The following ADCY10 variants were observed in gnomAD, a reference collection of about 807,000 sequenced individuals.
ADCY10 encodes adenylate cyclase type 10.
A neutral mutation model predicts 183.3 loss-of-function variants in ADCY10; 156 were observed. The ratio of observed to expected loss-of-function variants is 0.85; its 90% CI spans 0.75 to 0.97. ADCY10 has a LOEUF of 0.97. Among genes scored for constraint, ADCY10 ranks in the 50% least tolerant of loss-of-function variants. ADCY10 has a pLI of 0.00. For missense variants in ADCY10, 1,745 were observed against 1,934.3 expected (o/e 0.90, Z 1.84); for synonymous variants, 645 against 670.0 (o/e 0.96, Z 0.58).
chr1:167,824,085 C>A (rs1358476733), intron 28 of ADCY10, among the ~76,000 whole-genome samples: 1 of 152,208 alleles, frequency 6.6e-6, no homozygotes, highest in Non-Finnish European at 1.5e-5. Context: ...CTTTGGGAGG[C>A]TGAGGTGGGT....
chr1:167,821,744 G>C (rs1482723347), intron 30 of ADCY10, among the ~76,000 whole-genome samples: 1 of 152,210 alleles, frequency 6.6e-6, no homozygotes, highest in Non-Finnish European at 1.5e-5. Flanking sequence ...TCTGAAGAAA[G>C]CAATCTTTTC....
At chr1:167,852,366 C>T (rs920242890) in intron 18 of ADCY10, among the ~76,000 whole-genome samples, 2 of 151,994 alleles carry the variant, frequency 1.3e-5, no homozygotes, top group Non-Finnish European at 2.9e-5. Context: ...ACTGCTTGAG[C>T]GCAGGAGACG....
chr1:167,861,297 C>G (rs911793077), intron 14 of ADCY10, among the ~76,000 whole-genome samples: 2 of 152,174 alleles, frequency 1.3e-5, no homozygotes, highest in Admixed American at 6.5e-5. Context: ...CTACTGCCAC[C>G]CTATACTACC....
In ADCY10 at chr1:167,863,464, C is replaced by T. The variant is rs549865514; in HGVS notation, c.1617-2401G>A. On this transcript the variant is annotated intron_variant, in intron 14 of 32. Coordinates refer to ENST00000367851, the MANE Select transcript of ADCY10 (RefSeq NM_018417.6). ...AAAGGGACAGAAGTTGAGCATCAGA[C>T]GAGCTCGGATTTTGAGACGCTAGCC... Among the ~76,000 whole-genome samples the T allele has an allele frequency of 6.6e-5, 10 of 152,136 alleles. No homozygotes were observed. The South Asian group carries it at 1.2e-3, about 19-fold the overall frequency.
intron 21 of ADCY10, among the ~76,000 whole-genome samples, chr1:167,839,752 A>C (rs1664476639): frequency 1.3e-5 from 2 of 152,202 alleles, no homozygotes; most frequent in South Asian, 4.1e-4. Context: ...AAAATTGATA[A>C]TAAATGTCTA....
At position 167,854,839 on chromosome 1, in the gene ADCY10, GGA is replaced by G. The variant is rs368154978; in HGVS notation, c.2172-352_2172-351del. Among the ~76,000 whole-genome samples the G allele has an allele frequency of 2.9e-3, 439 of 151,354 alleles. 3 individuals are homozygous for G. The highest frequency in any genetic ancestry group is 0.02 in the East Asian group (103 of 5,160). On this transcript the variant is annotated intron_variant, in intron 17 of 32. Coordinates refer to ENST00000367851, the MANE Select transcript of ADCY10 (RefSeq NM_018417.6). ...CTATATAATTTAAACAGAGAGAGGG[GGA>G]GAGAGAGAGAGAGACCGACAGAAAG...
intron 1 of ADCY10, among the ~76,000 whole-genome samples, chr1:167,913,026 A>C (rs1400399282): frequency 6.6e-6 from 1 of 152,228 alleles, no homozygotes; most frequent in Non-Finnish European, 1.5e-5. Context: ...TATGACCTAG[A>C]CAAAAGATGT....
chr1:167,880,761 T>G, intron 9 of ADCY10, 152 bp from the exon 10 acceptor site: 1 of 700,310 alleles, frequency 1.4e-6, no homozygotes, highest in Non-Finnish European at 2.6e-6. Flanking sequence ...TTTAGTACAC[T>G]TCAAACACTT....
chr1:167,889,309 T>C (rs1668447239), intron 8 of ADCY10, among the ~76,000 whole-genome samples: 2 of 152,204 alleles, frequency 1.3e-5, no homozygotes, highest in African/African-American at 4.8e-5. Context: ...ATCAACTGCT[T>C]TTTCAGCATC....
Position 167,845,695 on chromosome 1 carries a change from C to A in ADCY10, c.2875G>T (p.Glu959Ter), listed in dbSNP as rs767861278. The part of the protein sequence containing the change: ...MHLKCARFLE[E>*]DAHRCDHCRG... ...CAGTGGTCACATCTGTGGGCATCTTCTTCTAAAAAGCGGGCACATTTCAAG... is the reference window on the plus strand; with the variant it reads ...CAGTGGTCACATCTGTGGGCATCTTATTCTAAAAAGCGGGCACATTTCAAG... The change falls in exon 21 of 33, where the codon GAA (glutamate) becomes TAA (stop). Residue 959 changes from glutamate (E) to a stop codon, truncating the protein, a stop_gained. Coordinates refer to ENST00000367851, the MANE Select transcript of ADCY10 (RefSeq NM_018417.6). LOFTEE classifies it high-confidence loss of function. 2.5e-6 allele frequency: 4 copies of A among 1,614,238 alleles called. No homozygotes were observed. The East Asian group carries it at 8.9e-5, about 36-fold the overall frequency.
At chr1:167,848,182 G>A (rs952581015) in intron 19 of ADCY10, among the ~76,000 whole-genome samples, 179 bp downstream of exon 19, 2 of 151,760 alleles carry the variant, frequency 1.3e-5, no homozygotes, top group South Asian at 4.2e-4. Context: ...TCAGCTTCCC[G>A]AGTAGCTGGG....
intron 1 of ADCY10, among the ~76,000 whole-genome samples, chr1:167,908,737 T>C (rs1222111985): frequency 6.6e-6 from 1 of 152,234 alleles, no homozygotes; most frequent in Non-Finnish European, 1.5e-5. Context: ...AGAGAACTAA[T>C]GCACTGATGA....
chr1:167,828,826 G>T (rs2101886677), intron 26 of ADCY10, among the ~76,000 whole-genome samples: 1 of 152,124 alleles, frequency 6.6e-6, no homozygotes, highest in Non-Finnish European at 1.5e-5. Context: ...GCTGGGTGTG[G>T]TGGCGCATGC....
chr1:167,862,360 C>A (rs865805583), intron 14 of ADCY10, among the ~76,000 whole-genome samples: 3 of 152,126 alleles, frequency 2.0e-5, no homozygotes, highest in Non-Finnish European at 2.9e-5. Context: ...GAAATTTGGA[C>A]ACAAACAACA....
Position 167,895,179 on chromosome 1 carries a change from T to C in ADCY10, c.740-1238A>G, listed in dbSNP as rs975315337. ...CCTGGTGGCAGAGTGAGACTCCATC[T>C]CAAAAAAAAAAAAAAAAAGGAATTG... On this transcript the variant is annotated intron_variant, in intron 7 of 32. Coordinates refer to ENST00000367851, the MANE Select transcript of ADCY10 (RefSeq NM_018417.6). Among the ~76,000 whole-genome samples, 12 of 121,942 alleles carry C rather than the reference T, an allele frequency of 9.8e-5. No homozygotes were observed. In the East Asian group the frequency reaches 2.6e-3, roughly 26 times the overall value. The allele number at this position is 121,942 out of a possible 152,430, so 80.0% of individuals were successfully genotyped here.
chr1:167,911,052 A>G (rs1380561571), intron 1 of ADCY10, among the ~76,000 whole-genome samples: 1 of 152,186 alleles, frequency 6.6e-6, no homozygotes, highest in African/African-American at 2.4e-5. Context: ...TTAACACTGG[A>G]TGGAAAGTGG....
chr1:167,870,806 TA>T (rs397940719), intron 13 of ADCY10, among the ~76,000 whole-genome samples: 626 of 128,944 alleles, frequency 4.9e-3, no homozygotes, highest in Admixed American at 4.9e-3. Context: ...AAACTCCATC[TA>T]AAAAAAAAAA....
intron 23 of ADCY10, chr1:167,834,437 A>C: frequency 2.9e-6 from 1 of 342,048 alleles, no homozygotes; most frequent in Admixed American, 4.2e-5. Flanking sequence ...CCAACAACAC[A>C]TCCACTTCCC....
intron 2 of ADCY10, 71 bp downstream of exon 2, chr1:167,904,922 A>AGCTCTGCATGTGAATTCCCAC: frequency 6.2e-7 from 1 of 1,608,254 alleles, no homozygotes; most frequent in Non-Finnish European, 8.5e-7. Flanking sequence ...TCTGCAATCA[A>AGCTCTGCATGTGAATTCCCAC]GCTCTGCATG....
Sources: gnomAD v4.1 joint callset for allele counts (sites outside exome capture counted in the v4.1 genomes callset) on GRCh38, gnomAD v4.1.1 for gene constraint, MANE v1.5 for transcripts, NCBI Gene and HGNC (gene_info 2026-07-23, HGNC 2026-07-21) for gene names.